KDM6A: variants seen among roughly 807,000 people sequenced by gnomAD.
KDM6A encodes lysine-specific demethylase 6A.
Under a neutral mutation model 117.6 loss-of-function variants are expected in KDM6A, and 11 were observed. The observed-to-expected ratio is 0.09, with a 90% CI of 0.06 to 0.15. The LOEUF is 0.15. Ranked by LOEUF, KDM6A falls within the 10% of genes least tolerant of loss-of-function variation. The pLI is 1.00. For synonymous variants in KDM6A, 384 were observed against 396.1 expected, an observed-to-expected ratio of 0.97 and a Z score of 0.36; for missense variants, 799 against 1,077.3, an observed-to-expected ratio of 0.74 and a Z score of 3.62.
chrX:44,944,440 C>T (rs1204289924), intron 2 of KDM6A, among the ~76,000 whole-genome samples: 2 of 111,804 alleles, frequency 1.8e-5, no homozygotes, highest in Non-Finnish European at 3.8e-5. Flanking sequence ...TTACAGTCAT[C>T]TGTAGCTACA....
At chrX:45,041,594 C>T (rs1487819929) in intron 8 of KDM6A, among the ~76,000 whole-genome samples, 1 of 111,811 alleles carries the variant, frequency 8.9e-6, no homozygotes, top group Non-Finnish European at 1.9e-5. Context: ...TGGGCAGAGA[C>T]GCTCCTCACC....
intron 4 of KDM6A, among the ~76,000 whole-genome samples, chrX:44,977,045 A>G (rs933620690): frequency 9.0e-6 from 1 of 111,489 alleles, no homozygotes; most frequent in African/African-American, 3.3e-5. Flanking sequence ...AGTGGGGTAG[A>G]AAATAAAGTT....
intron 21 of KDM6A, among the ~76,000 whole-genome samples, chrX:45,079,593 G>GAT (rs1195173027): frequency 8.9e-6 from 1 of 111,952 alleles, no homozygotes; most frequent in Non-Finnish European, 1.9e-5. Context: ...GCCTAGGCTA[G>GAT]AGCGCAGTGG....
rs189260627 is a variant in KDM6A at position 45,048,138 on chromosome X, C to T, written c.655-3571C>T. Among the ~76,000 whole-genome samples, 39 of 86,386 alleles carry T rather than the reference C, an allele frequency of 4.5e-4. No homozygotes were observed. The East Asian group carries it at 0.01, about 23-fold the overall frequency. 75.0% of individuals were successfully genotyped at this position (86,386 alleles called of 115,157 possible). On this transcript the variant is annotated intron_variant, in intron 8 of 29. Coordinates refer to ENST00000611820, the MANE Select transcript of KDM6A (RefSeq NM_001291415.2). ...TTGTGCCACTGCACTCCAGCCTGGG[C>T]GACACAGTGAAAGTGCGTCTCAAAA...
rs1414521008 is a variant in KDM6A at position 44,893,000 on chromosome X, C to CT, written c.225+19014dup. 2.7e-4 allele frequency among the ~76,000 whole-genome samples: 18 copies of CT among 67,012 alleles called. No homozygotes were observed. In the East Asian group the frequency reaches 9.7e-3, roughly 36 times the overall value. The allele number at this position is 67,012 out of a possible 115,157, so 58.2% of individuals were successfully genotyped here. On this transcript the variant is annotated intron_variant, in intron 2 of 29. Coordinates refer to ENST00000611820, the MANE Select transcript of KDM6A (RefSeq NM_001291415.2). Reference sequence around the variant, plus strand: ...CCTGGGTGACAGAGTGAGACTCCATCTAAAAAAAAAAAAAAAAAAAAAAAA... The same window carrying CT: ...CCTGGGTGACAGAGTGAGACTCCATCTTAAAAAAAAAAAAAAAAAAAAAAAA...
intron 4 of KDM6A, among the ~76,000 whole-genome samples, chrX:44,981,451 G>T (rs1388893879): frequency 2.7e-5 from 3 of 111,758 alleles, no homozygotes; most frequent in African/African-American, 6.5e-5. Context: ...CCCTCTCTGG[G>T]CATGTCACCC....
chrX:44,873,450 T>G lies in KDM6A; in HGVS notation c.-102T>G. The G allele has an allele frequency of 3.1e-5, 32 of 1,020,289 alleles. No homozygotes were observed. The highest frequency in any genetic ancestry group is 4.0e-5 in the African/African-American group (2 of 49,464). 84.1% of individuals were successfully genotyped at this position (1,020,289 alleles called of 1,213,427 possible). ...CCCGCGGCGGAGGAGGAGGCGGCGA[T>G]AAAGTTGGTGTGCTGGTCCCGCGCG... On this transcript the variant is annotated 5_prime_UTR_variant, in exon 1 of 30. Transcript: ENST00000611820.
chrX:44,968,554 G>A lies in KDM6A; in HGVS notation c.335-6112G>A, dbSNP rs149211225. 5.9e-3 allele frequency among the ~76,000 whole-genome samples: 667 copies of A among 113,146 alleles called. 5 individuals are homozygous for A. The highest frequency in any genetic ancestry group is 0.02 in the African/African-American group (628 of 31,199). On this transcript the variant is annotated intron_variant, in intron 3 of 29. Transcript: ENST00000611820. ...ACCCTGGGCTGAAGCCCAAGCATATGTATTTAGATGAATATATGTGATGGA... is the reference window on the plus strand; with the variant it reads ...ACCCTGGGCTGAAGCCCAAGCATATATATTTAGATGAATATATGTGATGGA...
At chrX:44,899,484 T>C (rs1306524905) in intron 2 of KDM6A, among the ~76,000 whole-genome samples, 1 of 107,179 alleles carries the variant, frequency 9.3e-6, no homozygotes, top group Admixed American at 1.0e-4. Context: ...TTTCCTTTGT[T>C]AAGCTTACCC....
intron 18 of KDM6A, among the ~76,000 whole-genome samples, chrX:45,073,878 A>G (rs1429895582): frequency 9.0e-6 from 1 of 111,621 alleles, no homozygotes; most frequent in East Asian, 2.8e-4. Flanking sequence ...CTTTAGTTTA[A>G]TTAGATCCCA....
chrX:45,032,586 C>G (rs1189792876), intron 6 of KDM6A, among the ~76,000 whole-genome samples: 2 of 110,837 alleles, frequency 1.8e-5, no homozygotes, highest in Non-Finnish European at 3.8e-5. Context: ...CTCATTTTTT[C>G]TGCCACAGGC....
rs773790163 is a variant in KDM6A at position 44,957,060 on chromosome X, G to C, written c.226-4224G>C. Among the ~76,000 whole-genome samples the C allele has an allele frequency of 2.7e-5, 3 of 110,484 alleles. No homozygotes were observed. The South Asian group carries it at 1.2e-3, about 43-fold the overall frequency. ...CAGGAGAATCGCTTGCACGCAGGAGGCCGAGGTTGCAATGAGCTGAGACCA... is the reference window on the plus strand; with the variant it reads ...CAGGAGAATCGCTTGCACGCAGGAGCCCGAGGTTGCAATGAGCTGAGACCA... On this transcript the variant is annotated intron_variant, in intron 2 of 29. Transcript: ENST00000611820.
chrX:44,982,265 A>G (rs752095746), intron 4 of KDM6A, among the ~76,000 whole-genome samples: 3 of 111,343 alleles, frequency 2.7e-5, no homozygotes, highest in Non-Finnish European at 5.7e-5. Context: ...CAGGATATGT[A>G]TTTTTTTGTA....
chrX:44,923,056 A>G (rs1396329370), intron 2 of KDM6A, among the ~76,000 whole-genome samples: 1 of 110,824 alleles, frequency 9.0e-6, no homozygotes, highest in African/African-American at 3.3e-5. Flanking sequence ...TAAAGATGGC[A>G]CTCTACTGTT....
chrX:44,929,328 C>T (rs1376879717), intron 2 of KDM6A, among the ~76,000 whole-genome samples: 1 of 106,464 alleles, frequency 9.4e-6, no homozygotes, highest in South Asian at 4.1e-4. Flanking sequence ...TTGCTTCTCT[C>T]TGCCATTCTC....
intron 6 of KDM6A, among the ~76,000 whole-genome samples, chrX:45,031,349 G>A (rs2042595906): frequency 8.9e-6 from 1 of 111,912 alleles, no homozygotes; most frequent in Non-Finnish European, 1.9e-5. Flanking sequence ...GATAAAAGCT[G>A]GTTGCCAGCA....
rs2148051117 is a variant in KDM6A at position 45,070,103 on chromosome X, C to T, written c.2604C>T (p.Ala868=). The T allele has an allele frequency of 8.3e-7, 1 of 1,211,819 alleles. No individual in the cohort carries two copies. The highest frequency in any genetic ancestry group is 1.1e-6 in the Non-Finnish European group (1 of 895,414). ...AVHTKTDNSV[A]SSPSSAISTA... ...ATACAAAGACTGATAACTCTGTTGC[C>T]TCTTCACCATCTTCAGCCATTTCAA... The change falls in exon 18 of 30, where the codon GCC becomes GCT. Residue 868 remains alanine, a synonymous_variant. Coordinates refer to ENST00000611820, the MANE Select transcript of KDM6A (RefSeq NM_001291415.2).
chrX:45,079,629 T>C (rs1162928021), intron 21 of KDM6A, among the ~76,000 whole-genome samples: 2 of 111,909 alleles, frequency 1.8e-5, no homozygotes, highest in Admixed American at 1.9e-4. Context: ...CTGCACCCTC[T>C]GCCTCCCAGG....
intron 2 of KDM6A, among the ~76,000 whole-genome samples, chrX:44,898,168 A>G (rs898196950): frequency 7.7e-4 from 86 of 111,704 alleles, no homozygotes; most frequent in African/African-American, 2.6e-3. Context: ...TAGGGAGGCT[A>G]TCTCACACTG....
Sources: gnomAD v4.1 joint callset for allele counts (sites outside exome capture counted in the v4.1 genomes callset) on GRCh38, gnomAD v4.1.1 for gene constraint, MANE v1.5 for transcripts, NCBI Gene and HGNC (gene_info 2026-07-23, HGNC 2026-07-21) for gene names.